FNBP1L: variants seen among roughly 807,000 people sequenced by gnomAD.
The protein encoded by FNBP1L is formin-binding protein 1-like.
FNBP1L carries 36 observed loss-of-function variants against 91.2 expected under a neutral mutation model. The ratio of observed to expected loss-of-function variants is 0.39; its 90% CI spans 0.30 to 0.52. The LOEUF (loss-of-function observed/expected upper bound fraction) is 0.52. Ranked by LOEUF, FNBP1L falls within the 20% of genes least tolerant of loss-of-function variation. The pLI is 0.66. For synonymous variants in FNBP1L, 242 were observed against 237.0 expected, an observed-to-expected ratio of 1.02 and a Z score of -0.19; for missense variants, 571 against 732.1, an observed-to-expected ratio of 0.78 and a Z score of 2.54.
intron 2 of FNBP1L, among the ~76,000 whole-genome samples, chr1:93,502,993 G>T (rs370986467): frequency 1.3e-5 from 2 of 152,046 alleles, no homozygotes; most frequent in East Asian, 3.8e-4. Context: ...CTCTTTAATG[G>T]GAAAAATTCT....
At chr1:93,507,681 C>T (rs1470482052) in intron 2 of FNBP1L, among the ~76,000 whole-genome samples, 1 of 152,062 alleles carries the variant, frequency 6.6e-6, no homozygotes, top group African/African-American at 2.4e-5. Context: ...CGGAGTTTCA[C>T]GCTTTCTCCC....
At chr1:93,524,556 A>G (rs1365732503) in intron 5 of FNBP1L, among the ~76,000 whole-genome samples, 2 of 148,188 alleles carry the variant, frequency 1.3e-5, no homozygotes, top group African/African-American at 4.9e-5. Flanking sequence ...GTAATCTTCA[A>G]TCATTGTGAA....
intron 6 of FNBP1L, 126 bp from the exon 7 acceptor site, chr1:93,530,629 G>A (rs1264840721): frequency 3.0e-5 from 29 of 952,114 alleles, no homozygotes; most frequent in Middle Eastern, 3.3e-4. Context: ...GTTATGCCAC[G>A]TCATTATTCT....
chr1:93,524,885 T>C (rs1228515996), intron 5 of FNBP1L, among the ~76,000 whole-genome samples: 6 of 152,056 alleles, frequency 3.9e-5, no homozygotes, highest in Non-Finnish European at 7.4e-5. Flanking sequence ...GGAAATAAAG[T>C]ACTTTGTAGG....
chr1:93,519,507 T>G (rs1671246865), intron 2 of FNBP1L, among the ~76,000 whole-genome samples: 1 of 152,214 alleles, frequency 6.6e-6, no homozygotes, highest in South Asian at 2.1e-4. Flanking sequence ...TACCATATTA[T>G]GTTATGTAAG....
intron 1 of FNBP1L, among the ~76,000 whole-genome samples, chr1:93,473,480 G>T (rs971473621): frequency 6.6e-6 from 1 of 151,984 alleles, no homozygotes; most frequent in Non-Finnish European, 1.5e-5. Context: ...TTTTTTATAT[G>T]CCTCTAATGG....
chr1:93,516,607 G>A (rs1428855759), intron 2 of FNBP1L, among the ~76,000 whole-genome samples: 5 of 151,984 alleles, frequency 3.3e-5, no homozygotes, highest in African/African-American at 1.2e-4. Context: ...GTTTGAGATC[G>A]GCCTGACTGA....
chr1:93,504,877 T>TA (rs1220067286), intron 2 of FNBP1L, among the ~76,000 whole-genome samples: 1 of 152,208 alleles, frequency 6.6e-6, no homozygotes, highest in Non-Finnish European at 1.5e-5. Flanking sequence ...TCCCATTCTA[T>TA]AGGTTGCCTT....
chr1:93,492,860 C>T (rs1005723668), intron 1 of FNBP1L, among the ~76,000 whole-genome samples: 14 of 152,046 alleles, frequency 9.2e-5, no homozygotes, highest in African/African-American at 1.7e-4. Flanking sequence ...TATAGGCAAA[C>T]GATAAGAAAT....
intron 1 of FNBP1L, among the ~76,000 whole-genome samples, chr1:93,483,966 T>A (rs182067428): frequency 6.6e-6 from 1 of 152,362 alleles, no homozygotes; most frequent in East Asian, 1.9e-4. Flanking sequence ...TCTCTCTCTG[T>A]TGCCCAGGCC....
chr1:93,462,312 A>G (rs1055378730), intron 1 of FNBP1L, among the ~76,000 whole-genome samples: 5 of 152,152 alleles, frequency 3.3e-5, no homozygotes, highest in Admixed American at 2.0e-4. Flanking sequence ...ATTTTTTAGA[A>G]CACTTTTAGA....
intron 7 of FNBP1L, 131 bp downstream of exon 7, chr1:93,531,014 G>T (rs995184886): frequency 1.4e-6 from 1 of 704,854 alleles, no homozygotes; most frequent in Non-Finnish European, 2.2e-6. Context: ...ATTCCTTTAT[G>T]ATTATAGATT....
chr1:93,537,167 G>T (rs368415321), intron 10 of FNBP1L, among the ~76,000 whole-genome samples: 8 of 151,792 alleles, frequency 5.3e-5, no homozygotes, highest in African/African-American at 1.7e-4. Context: ...AATTTTTCTT[G>T]TTTATGTTTG....
intron 11 of FNBP1L, among the ~76,000 whole-genome samples, chr1:93,542,574 A>G (rs1405663870): frequency 2.6e-5 from 4 of 151,408 alleles, no homozygotes; most frequent in Admixed American, 2.6e-4. Context: ...TAAATGTTAC[A>G]TTTAATTATA....
chr1:93,495,600 A>G (rs190211429), intron 1 of FNBP1L, among the ~76,000 whole-genome samples: 25 of 152,306 alleles, frequency 1.6e-4, no homozygotes, highest in Non-Finnish European at 3.2e-4. Context: ...CAATTGAAAA[A>G]TCTTTGTTTA....
chr1:93,500,375 G>C (rs557260899), intron 2 of FNBP1L, among the ~76,000 whole-genome samples: 1 of 151,986 alleles, frequency 6.6e-6, no homozygotes, highest in African/African-American at 2.4e-5. Context: ...CTCCGTGTTC[G>C]TTTAGCTCTA....
chr1:93,492,226 A>G (rs886872607), intron 1 of FNBP1L, among the ~76,000 whole-genome samples: 6 of 152,192 alleles, frequency 3.9e-5, no homozygotes, highest in Admixed American at 6.5e-5. Context: ...ATCCTGAAAG[A>G]GCTTGAAAAG....
intron 1 of FNBP1L, among the ~76,000 whole-genome samples, chr1:93,477,217 A>G (rs1200566662): frequency 2.6e-5 from 4 of 152,252 alleles, no homozygotes; most frequent in Non-Finnish European, 5.9e-5. Context: ...AGCTTGGAGT[A>G]GAATGATGGC....
chr1:93,491,804 A>C (rs1670101044), intron 1 of FNBP1L, among the ~76,000 whole-genome samples: 1 of 152,170 alleles, frequency 6.6e-6, no homozygotes, highest in African/African-American at 2.4e-5. Flanking sequence ...GGCTTCTGTT[A>C]TGTTTTCTAC....
Sources: allele counts gnomAD v4.1 joint callset (sites outside exome capture counted in the v4.1 genomes callset), GRCh38; gene constraint gnomAD v4.1.1; transcripts MANE v1.5; gene names NCBI Gene and HGNC (gene_info 2026-07-23, HGNC 2026-07-21).